FKBP5: variants seen among roughly 807,000 people sequenced by gnomAD.
FKBP5 encodes FKBP prolyl isomerase 5, also known as peptidyl-prolyl cis-trans isomerase FKBP5.
In FKBP5, 23 loss-of-function variants were observed where a neutral mutation model predicts 50.5. The observed-to-expected ratio is 0.46, with a 90% CI of 0.33 to 0.65. The LOEUF is 0.65. Among genes scored for constraint, FKBP5 ranks in the 30% least tolerant of loss-of-function variants. FKBP5 has a pLI of 0.02. For synonymous variants in FKBP5, 176 were observed against 190.6 expected (o/e 0.92, Z 0.63); for missense variants, 411 against 553.1 (o/e 0.74, Z 2.58).
intron 1 of FKBP5, among the ~76,000 whole-genome samples, chr6:35,657,054 AC>A (rs1354517781): frequency 2.6e-3 from 185 of 71,458 alleles, no homozygotes; most frequent in African/African-American, 8.9e-3. Flanking sequence ...TACTAAAAAT[AC>A]AAAAAAAAAA....
intron 5 of FKBP5, among the ~76,000 whole-genome samples, chr6:35,613,551 T>G (rs1763557427): frequency 6.6e-6 from 1 of 152,042 alleles, no homozygotes; most frequent in East Asian, 1.9e-4. Context: ...CACATCTAAG[T>G]GTATTTGGTG....
chr6:35,676,188 A>ATTAATTAATATT (rs1458739694), intron 1 of FKBP5, among the ~76,000 whole-genome samples: 1 of 152,234 alleles, frequency 6.6e-6, no homozygotes, highest in Non-Finnish European at 1.5e-5. Flanking sequence ...ATAGAAGGTG[A>ATTAATTAATATT]AAGTAAGGGT....
intron 1 of FKBP5, among the ~76,000 whole-genome samples, chr6:35,685,260 ACTGT>A (rs1386246139): frequency 6.6e-6 from 1 of 152,222 alleles, no homozygotes; most frequent in African/African-American, 2.4e-5. Flanking sequence ...ATTTGGCAGT[ACTGT>A]CTTTTACATA....
intron 6 of FKBP5, among the ~76,000 whole-genome samples, chr6:35,592,111 C>T (rs1762840069): frequency 1.3e-5 from 2 of 152,194 alleles, no homozygotes; most frequent in African/African-American, 2.4e-5. Context: ...GTCAAGTGTT[C>T]ACTGAAATAT....
At chr6:35,700,351 A>G (rs951649222) in intron 2 of FKBP5, among the ~76,000 whole-genome samples, 2 of 152,028 alleles carry the variant, frequency 1.3e-5, no homozygotes, top group African/African-American at 4.8e-5. Context: ...CTGCCTTCTT[A>G]AGGCTTAAGC....
intron 8 of FKBP5, chr6:35,585,121 A>G (rs1326905812): frequency 2.0e-6 from 2 of 983,750 alleles, no homozygotes; most frequent in Non-Finnish European, 1.2e-6. Context: ...AATCGATATA[A>G]TTCTAGTCAA....
At chr6:35,628,947 A>G (rs988271896) in intron 3 of FKBP5, among the ~76,000 whole-genome samples, 1 of 151,306 alleles carries the variant, frequency 6.6e-6, no homozygotes, top group African/African-American at 2.4e-5. Context: ...GAACTTCTAA[A>G]CTCAGGTGAT....
intron 2 of FKBP5, among the ~76,000 whole-genome samples, chr6:35,705,062 A>T (rs1220645523): frequency 6.6e-6 from 1 of 150,776 alleles, no homozygotes; most frequent in Admixed American, 6.6e-5. Context: ...AATGGCGTGA[A>T]CCTGGGAGGT....
chr6:35,590,927 A>T (rs1336473654), intron 7 of FKBP5, among the ~76,000 whole-genome samples: 1 of 152,100 alleles, frequency 6.6e-6, no homozygotes, highest in Non-Finnish European at 1.5e-5. Context: ...GAACAAAATA[A>T]GAACACGGAG....
chr6:35,587,853 A>G (rs1329482524), intron 7 of FKBP5, among the ~76,000 whole-genome samples: 2 of 152,176 alleles, frequency 1.3e-5, no homozygotes, highest in Non-Finnish European at 2.9e-5. Flanking sequence ...CAGAGTCAAG[A>G]GAACAATCTG....
chr6:35,720,396 C>T (rs894425584), exon 2 of FKBP5: 1 of 152,590 alleles, frequency 6.6e-6, no homozygotes, highest in African/African-American at 2.4e-5. Flanking sequence ...GTCTAGCCTT[C>T]TGCAGCGTGG....
At chr6:35,714,516 T>C (rs1581902463) in intron 2 of FKBP5, among the ~76,000 whole-genome samples, 2 of 150,872 alleles carry the variant, frequency 1.3e-5, no homozygotes, top group African/African-American at 4.9e-5. Context: ...ATGTATTTTC[T>C]TCAAAATACT....
At chr6:35,702,266 C>A (rs1216037958) in intron 2 of FKBP5, among the ~76,000 whole-genome samples, 1 of 151,714 alleles carries the variant, frequency 6.6e-6, no homozygotes, top group Non-Finnish European at 1.5e-5. Context: ...AGATTTAAAT[C>A]ATAATTACTG....
In FKBP5 at chr6:35,643,308, A is replaced by G. The variant is rs189457650; in HGVS notation, c.-19-465T>C. Among the ~76,000 whole-genome samples the G allele has an allele frequency of 8.8e-4, 134 of 152,276 alleles. 1 individual carries two copies. The highest frequency in any genetic ancestry group is 3.1e-3 in the African/African-American group (130 of 41,544). On this transcript the variant is annotated intron_variant, in intron 1 of 10. Coordinates refer to ENST00000357266, the MANE Select transcript of FKBP5 (RefSeq NM_004117.4). Reference sequence around the variant, plus strand: ...CTGGGTCCTAGCTGCAGCTCTTGACATTTCCAGTTTCCTTAATCTTGCTGA... The same window carrying G: ...CTGGGTCCTAGCTGCAGCTCTTGACGTTTCCAGTTTCCTTAATCTTGCTGA...
At chr6:35,691,013 AAT>A (rs1765976896), upstream of FKBP5, among the ~76,000 whole-genome samples, 1 of 152,042 alleles carries the variant, frequency 6.6e-6, no homozygotes, top group Non-Finnish European at 1.5e-5. Context: ...TCTCAAAAAA[AAT>A]AATAATAAAT....
chr6:35,578,529 G>A (rs1762300824), intron 9 of FKBP5, among the ~76,000 whole-genome samples: 2 of 152,144 alleles, frequency 1.3e-5, no homozygotes, highest in African/African-American at 4.8e-5. Context: ...AGCACTTTGG[G>A]AAGCTGAGGT....
intron 8 of FKBP5, 44 bp from the exon 9 acceptor site, chr6:35,580,265 G>A (rs1762383922): frequency 6.7e-7 from 1 of 1,483,570 alleles, no homozygotes; most frequent in Non-Finnish European, 9.2e-7. Flanking sequence ...CTCTTGAGGG[G>A]GTACAAAAGA....
intron 10 of FKBP5, 128 bp from the exon 11 acceptor site, chr6:35,576,070 G>A: frequency 2.8e-6 from 2 of 720,736 alleles, no homozygotes; most frequent in Non-Finnish European, 5.0e-6. Context: ...ATATCTAGCT[G>A]GGTAGGTCAG....
At chr6:35,662,750 T>C (rs1561882904) in intron 1 of FKBP5, among the ~76,000 whole-genome samples, 1 of 152,214 alleles carries the variant, frequency 6.6e-6, no homozygotes, top group Admixed American at 6.5e-5. Context: ...GCATTCATTT[T>C]TGCTGCTTTT....
Sources: gnomAD v4.1 joint callset for allele counts (sites outside exome capture counted in the v4.1 genomes callset) on GRCh38, gnomAD v4.1.1 for gene constraint, MANE v1.5 for transcripts, NCBI Gene and HGNC (gene_info 2026-07-23, HGNC 2026-07-21) for gene names.